Variants in CREB5 observed in about 807,000 individuals in gnomAD.
CREB5 encodes the protein cAMP responsive element binding protein 5, also known as cyclic AMP-responsive element-binding protein 5.
A neutral mutation model predicts 57.1 loss-of-function variants in CREB5; 19 were observed. That is an observed-to-expected ratio of 0.33 (90% CI 0.23 to 0.49). CREB5 has a LOEUF of 0.49. Ranked by LOEUF, CREB5 falls within the 20% of genes least tolerant of loss-of-function variation. The pLI is 0.99. For synonymous variants in CREB5, 238 were observed against 238.3 expected (o/e 1.00, Z 0.01); for missense variants, 579 against 671.6 (o/e 0.86, Z 1.52).
chr7:28,575,970 G>C (rs1795894880), intron 5 of CREB5, among the ~76,000 whole-genome samples: 2 of 152,208 alleles, frequency 1.3e-5, no homozygotes, highest in Non-Finnish European at 2.9e-5. Flanking sequence ...ACATTCAAAA[G>C]TTGTAACACC....
intron 1 of CREB5, among the ~76,000 whole-genome samples, chr7:28,420,343 T>G (rs1052151683): frequency 6.6e-6 from 1 of 152,240 alleles, no homozygotes; most frequent in South Asian, 2.1e-4. Context: ...GTGGCTGCTT[T>G]ATCTTTATTT....
intron 5 of CREB5, among the ~76,000 whole-genome samples, chr7:28,681,300 G>A (rs889840137): frequency 1.3e-5 from 2 of 152,156 alleles, no homozygotes; most frequent in South Asian, 4.1e-4. Flanking sequence ...AGGGAAGACC[G>A]AGCAGCCTGT....
chr7:28,379,300 T>A (rs1786910638), intron 1 of CREB5, among the ~76,000 whole-genome samples: 1 of 152,222 alleles, frequency 6.6e-6, no homozygotes, highest in African/African-American at 2.4e-5. Context: ...ACTACACTCA[T>A]ATGTTCTAAC....
At chr7:28,381,890 A>G (rs753065614) in intron 1 of CREB5, among the ~76,000 whole-genome samples, 5 of 152,218 alleles carry the variant, frequency 3.3e-5, no homozygotes, top group Non-Finnish European at 5.9e-5. Flanking sequence ...ATGGAGAGAC[A>G]GTATATATAA....
chr7:28,505,208 A>G (rs1341279712), intron 3 of CREB5, among the ~76,000 whole-genome samples: 1 of 152,122 alleles, frequency 6.6e-6, no homozygotes, highest in Non-Finnish European at 1.5e-5. Context: ...ACACACGCAC[A>G]CACACACACA....
At chr7:28,681,081 C>A (rs1277064432) in intron 5 of CREB5, among the ~76,000 whole-genome samples, 1 of 150,016 alleles carries the variant, frequency 6.7e-6, no homozygotes, top group Non-Finnish European at 1.5e-5. Context: ...GCCATCCCTG[C>A]TGTGGGGGTC....
At chr7:28,355,891 A>G (rs1049337147) in intron 1 of CREB5, among the ~76,000 whole-genome samples, 1 of 152,218 alleles carries the variant, frequency 6.6e-6, no homozygotes, top group African/African-American at 2.4e-5. Context: ...GCCCACTGCA[A>G]TAACACTTTT....
At chr7:28,669,239 C>T (rs982947) in intron 5 of CREB5, among the ~76,000 whole-genome samples, 74,184 of 151,970 alleles carry the variant, frequency 0.49, 19,516 homozygotes, top group African/African-American at 0.68. Flanking sequence ...CCAAAACTTA[C>T]AGGGTACGTG....
At chr7:28,513,204 A>G (rs911250907) in intron 4 of CREB5, among the ~76,000 whole-genome samples, 2 of 152,214 alleles carry the variant, frequency 1.3e-5, no homozygotes, top group African/African-American at 4.8e-5. Flanking sequence ...CTCTGTGGGG[A>G]AGGTATGAGT....
chr7:28,335,930 C>T (rs1369074974), intron 1 of CREB5, among the ~76,000 whole-genome samples: 1 of 151,986 alleles, frequency 6.6e-6, no homozygotes, highest in Non-Finnish European at 1.5e-5. Context: ...TTGTCAAGTG[C>T]TTTTTCAGCA....
intron 1 of CREB5, among the ~76,000 whole-genome samples, chr7:28,302,333 C>T (rs1785109566): frequency 6.6e-6 from 1 of 152,164 alleles, no homozygotes; most frequent in Non-Finnish European, 1.5e-5. Flanking sequence ...TTATGCAATT[C>T]TCTAGTGAAT....
At chr7:28,572,604 C>T (rs1489813694) in intron 5 of CREB5, among the ~76,000 whole-genome samples, 4 of 152,148 alleles carry the variant, frequency 2.6e-5, no homozygotes, top group African/African-American at 9.7e-5. Context: ...TCTCCTGCCT[C>T]CCTCTCCCTG....
At chr7:28,435,270 C>A (rs930482227) in intron 1 of CREB5, among the ~76,000 whole-genome samples, 1 of 151,612 alleles carries the variant, frequency 6.6e-6, no homozygotes, top group African/African-American at 2.4e-5. Context: ...GGGGGTGGAT[C>A]GTTAAAAGCC....
At chr7:28,685,956 G>A (rs1403101266) in intron 5 of CREB5, 2 of 562,966 alleles carry the variant, frequency 3.6e-6, no homozygotes, top group Non-Finnish European at 6.3e-6. Flanking sequence ...AAAGGAGAAG[G>A]GGGAGGAGGG....
chr7:28,596,821 A>G (rs1796705050), intron 5 of CREB5, among the ~76,000 whole-genome samples: 2 of 152,226 alleles, frequency 1.3e-5, no homozygotes, highest in Non-Finnish European at 2.9e-5. Flanking sequence ...AAAGATGCCA[A>G]AGTGTTAGCT....
At chr7:28,516,981 C>T (rs1248493132) in intron 4 of CREB5, among the ~76,000 whole-genome samples, 4 of 152,182 alleles carry the variant, frequency 2.6e-5, no homozygotes, top group Non-Finnish European at 4.4e-5. Flanking sequence ...AGGAAGCTCA[C>T]GCTGTCCTCC....
intron 5 of CREB5, among the ~76,000 whole-genome samples, chr7:28,595,631 A>G (rs1218662613): frequency 3.9e-5 from 6 of 152,192 alleles, no homozygotes; most frequent in Non-Finnish European, 7.3e-5. Flanking sequence ...AAAGTCTGAA[A>G]GAAAAGAGGC....
chr7:28,471,990 C>T (rs1790835229), intron 1 of CREB5, among the ~76,000 whole-genome samples: 1 of 151,886 alleles, frequency 6.6e-6, no homozygotes, highest in Admixed American at 6.6e-5. Context: ...ATGGATAAAC[C>T]AATCCTTTAC....
chr7:28,542,511 T>C (rs1000971057), intron 4 of CREB5, among the ~76,000 whole-genome samples: 1 of 151,906 alleles, frequency 6.6e-6, no homozygotes, highest in African/African-American at 2.4e-5. Context: ...AGAGACAGAG[T>C]GGAAAATGTA....
Sources: gnomAD v4.1 joint callset for allele counts (sites outside exome capture counted in the v4.1 genomes callset) on GRCh38, gnomAD v4.1.1 for gene constraint, MANE v1.5 for transcripts, NCBI Gene and HGNC (gene_info 2026-07-23, HGNC 2026-07-21) for gene names.